MSRA: variants seen among roughly 807,000 people sequenced by gnomAD.
MSRA encodes the protein methionine sulfoxide reductase A.
A neutral mutation model predicts 31.3 loss-of-function variants in MSRA; 54 were observed. That is an observed-to-expected ratio of 1.73 (90% CI 1.39 to 2.17). The LOEUF (loss-of-function observed/expected upper bound fraction) is 2.17, where lower values mean the gene tolerates loss of function less well. Ranked by LOEUF, MSRA falls within the 30% of genes most tolerant of loss-of-function variation. MSRA has a pLI of 0.00. For synonymous variants in MSRA, 169 were observed against 116.5 expected, an observed-to-expected ratio of 1.45 and a Z score of -2.90; for missense variants, 507 against 300.9, an observed-to-expected ratio of 1.69 and a Z score of -5.07.
chr8:10,423,529 G>T (rs1040278981), intron 5 of MSRA, among the ~76,000 whole-genome samples: 2 of 152,134 alleles, frequency 1.3e-5, no homozygotes, highest in African/African-American at 4.8e-5. Flanking sequence ...GGGGGTGGCA[G>T]CAGAGGAACC....
chr8:10,150,618 C>T (rs116854082), intron 1 of MSRA, among the ~76,000 whole-genome samples: 286 of 152,246 alleles, frequency 1.9e-3, no homozygotes, highest in Non-Finnish European at 3.1e-3. Context: ...AAAGCAGCCT[C>T]ACATAGCAAT....
At chr8:10,226,914 C>G (rs1811048777) in intron 2 of MSRA, among the ~76,000 whole-genome samples, 2 of 152,142 alleles carry the variant, frequency 1.3e-5, no homozygotes, top group Admixed American at 1.3e-4. Context: ...AATCCTTTAT[C>G]GTCACCATGT....
chr8:10,120,896 C>A (rs901661830), intron 1 of MSRA, among the ~76,000 whole-genome samples: 1 of 152,232 alleles, frequency 6.6e-6, no homozygotes, highest in East Asian at 1.9e-4. Flanking sequence ...CCAAGAGTCT[C>A]CTGTGTGTGT....
At chr8:10,096,547 G>C (rs1311111090) in intron 1 of MSRA, among the ~76,000 whole-genome samples, 1 of 152,158 alleles carries the variant, frequency 6.6e-6, no homozygotes, top group African/African-American at 2.4e-5. Flanking sequence ...GCAATACTTG[G>C]AGAAAAATTT....
intron 5 of MSRA, among the ~76,000 whole-genome samples, chr8:10,344,686 A>G (rs796070736): frequency 1.1e-4 from 16 of 151,732 alleles, no homozygotes; most frequent in African/African-American, 3.1e-4. Context: ...GCTAACTACC[A>G]TGAGTTTGAA....
intron 2 of MSRA, among the ~76,000 whole-genome samples, chr8:10,219,408 T>C (rs1315655345): frequency 6.6e-6 from 1 of 152,228 alleles, no homozygotes; most frequent in East Asian, 1.9e-4. Context: ...CCCACTTCTT[T>C]TTTAATCTCA....
At position 10,207,833 on chromosome 8, in the gene MSRA, C is replaced by A. The variant is rs751244533; in HGVS notation, c.143C>A (p.Ala48Asp). The A allele has an allele frequency of 1.4e-5, 23 of 1,600,348 alleles. No homozygotes were observed. The highest frequency in any genetic ancestry group is 3.4e-6 in the Non-Finnish European group (4 of 1,174,432). The change falls in exon 2 of 6, where the codon GCC becomes GAC. Residue 48 changes from alanine to aspartate, a missense_variant and splice_region_variant. By Grantham distance (126) the Ala-to-Asp change is moderately radical. Transcript: ENST00000317173. Reference protein sequence around the residue: ...PGRKEQTPVAAKHHVNGNRTV... With the variant: ...PGRKEQTPVADKHHVNGNRTV... ...TGCATTTCTTTTTTTTTTTTTCTAG[C>A]CAAACATCATGTCAATGGCAACAGA... is the stretch of plus-strand genomic sequence containing the variant.
intron 5 of MSRA, among the ~76,000 whole-genome samples, chr8:10,393,416 C>A (rs555407997): frequency 6.6e-6 from 1 of 152,122 alleles, no homozygotes; most frequent in Non-Finnish European, 1.5e-5. Context: ...TTAGGGAAAA[C>A]GGGCCTATAT....
intron 5 of MSRA, among the ~76,000 whole-genome samples, chr8:10,344,502 A>C (rs1803642772): frequency 7.7e-6 from 1 of 130,524 alleles, no homozygotes; most frequent in African/African-American, 2.9e-5. Flanking sequence ...TGAACCTGGG[A>C]GGCGGAGATT....
intron 1 of MSRA, among the ~76,000 whole-genome samples, chr8:10,198,422 A>G (rs1278118903): frequency 6.6e-6 from 1 of 152,112 alleles, no homozygotes; most frequent in Non-Finnish European, 1.5e-5. Flanking sequence ...AAAAGTTACC[A>G]TATAATACTG....
intron 1 of MSRA, among the ~76,000 whole-genome samples, chr8:10,060,562 C>A (rs548322104): frequency 6.6e-6 from 1 of 151,232 alleles, no homozygotes; most frequent in Admixed American, 6.6e-5. Flanking sequence ...CATAACTCCA[C>A]TTTGAAGATG....
chr8:10,388,815 G>A (rs12543645), intron 5 of MSRA, among the ~76,000 whole-genome samples: 5 of 151,442 alleles, frequency 3.3e-5, no homozygotes, highest in African/African-American at 9.7e-5. Context: ...GACCGGCATC[G>A]CTGGTTTGAC....
intron 3 of MSRA, among the ~76,000 whole-genome samples, chr8:10,261,258 G>A (rs1239692827): frequency 6.6e-6 from 1 of 151,924 alleles, no homozygotes; most frequent in Non-Finnish European, 1.5e-5. Context: ...ATATACATTT[G>A]TGTTAATTCT....
chr8:10,204,976 G>A (rs1446443472), intron 1 of MSRA, among the ~76,000 whole-genome samples: 2 of 152,182 alleles, frequency 1.3e-5, no homozygotes, highest in Admixed American at 6.5e-5. Context: ...GGTGAGTGCT[G>A]CAGAGGAAAG....
At chr8:10,071,318 T>G (rs1797720755) in intron 1 of MSRA, among the ~76,000 whole-genome samples, 2 of 152,220 alleles carry the variant, frequency 1.3e-5, no homozygotes, top group Non-Finnish European at 1.5e-5. Flanking sequence ...TTAAATGTCT[T>G]TGGTAGACGT....
rs563197505 is a variant in MSRA at position 10,245,685 on chromosome 8, G to T, written c.331+462G>T. Among the ~76,000 whole-genome samples, 4 of 152,340 alleles carry T rather than the reference G, an allele frequency of 2.6e-5. No homozygotes were observed. In the South Asian group the frequency reaches 8.3e-4, roughly 32 times the overall value. On this transcript the variant is annotated intron_variant, in intron 3 of 5. Coordinates refer to ENST00000317173, the MANE Select transcript of MSRA (RefSeq NM_012331.5). ...AACTGCCAGGTGGGGTAATGGGGAT[G>T]ATGGACCATATGTCTTCAGCACACT...
In MSRA at chr8:10,197,666, G is replaced by A. The variant is rs542201162; in HGVS notation, c.143-10167G>A. ...TGGTGGGGCAGATATGGGTTCCCAG[G>A]TCTCTCTGCCAACGTCCATCCGCCC... On this transcript the variant is annotated intron_variant, in intron 1 of 5. Transcript: ENST00000317173. Among the ~76,000 whole-genome samples, 231 of 152,244 alleles carry A rather than the reference G, an allele frequency of 1.5e-3. 1 individual carries two copies. The highest frequency in any genetic ancestry group is 2.2e-3 in the Non-Finnish European group (147 of 68,014).
At chr8:10,356,698 C>T (rs1447063978) in intron 5 of MSRA, among the ~76,000 whole-genome samples, 1 of 152,098 alleles carries the variant, frequency 6.6e-6, no homozygotes, top group Non-Finnish European at 1.5e-5. Context: ...TGTGAGGACA[C>T]TGTAAGAAAG....
intron 1 of MSRA, among the ~76,000 whole-genome samples, chr8:10,066,143 C>G (rs1352084161): frequency 6.6e-6 from 1 of 152,164 alleles, no homozygotes; most frequent in East Asian, 1.9e-4. Flanking sequence ...CATACCTCAG[C>G]CTCTTGAGTA....
Sources: allele counts gnomAD v4.1 joint callset (sites outside exome capture counted in the v4.1 genomes callset), GRCh38; gene constraint gnomAD v4.1.1; transcripts MANE v1.5; gene names NCBI Gene and HGNC (gene_info 2026-07-23, HGNC 2026-07-21).